The following ZFYVE9 variants were observed in gnomAD, a reference collection of about 807,000 sequenced individuals.
ZFYVE9 encodes the protein zinc finger FYVE domain-containing protein 9.
In ZFYVE9, 43 loss-of-function variants were observed where a neutral mutation model predicts 126.7. That is an observed-to-expected ratio of 0.34 (90% CI 0.27 to 0.44). ZFYVE9 has a LOEUF of 0.44. Ranked by LOEUF, ZFYVE9 falls within the 20% of genes least tolerant of loss-of-function variation. The pLI is 1.00. For missense variants in ZFYVE9, 1,476 were observed against 1,697.0 expected (o/e 0.87, Z 2.29); for synonymous variants, 521 against 597.4 (o/e 0.87, Z 1.87).
At chr1:52,255,962 TCTTTTCTTTCTTTC>T (rs1645510064) in intron 4 of ZFYVE9, among the ~76,000 whole-genome samples, 1 of 90,774 alleles carries the variant, frequency 1.1e-5, no homozygotes, top group African/African-American at 7.8e-5. Flanking sequence ...TCTTTTCTTT[TCTTTTCTTTCTTTC>T]TTTCTTTCCT....
chr1:52,255,981 T>TTCCTTCC lies in ZFYVE9; in HGVS notation c.2179-7791_2179-7790insCCTTCCT, dbSNP rs1645512686. On this transcript the variant is annotated intron_variant, in intron 4 of 18. Coordinates refer to ENST00000287727, the MANE Select transcript of ZFYVE9 (RefSeq NM_004799.4). ...TTCTTTTCTTTTCTTTCTTTCTTTC[T>TTCCTTCC]TTCCTTCCTTCCTTCCTTCCTTCCT... is the stretch of plus-strand genomic sequence containing the variant. Among the ~76,000 whole-genome samples, 113 of 115,670 alleles carry TTCCTTCC rather than the reference T, an allele frequency of 9.8e-4. 1 individual carries two copies. The highest frequency in any genetic ancestry group is 4.1e-3 in the African/African-American group (111 of 27,274). The allele number at this position is 115,670 out of a possible 152,430, so 75.9% of individuals were successfully genotyped here. A position where few individuals can be genotyped will look rare whatever the true frequency, so the allele number is the denominator to read the frequency against.
chr1:52,172,055 T>G (rs1026675094), intron 1 of ZFYVE9, among the ~76,000 whole-genome samples: 49 of 152,122 alleles, frequency 3.2e-4, no homozygotes, highest in African/African-American at 1.2e-3. Context: ...TTTTGGTGTT[T>G]TAGACATGAA....
intron 4 of ZFYVE9, chr1:52,253,931 A>G: frequency 2.1e-6 from 2 of 955,362 alleles, no homozygotes; most frequent in South Asian, 1.3e-5. Flanking sequence ...AATTTTCACA[A>G]CCTTCAAGAA....
Position 52,337,673 on chromosome 1 carries a change from G to A in ZFYVE9, c.3671-99G>A, listed in dbSNP as rs867431784. ...AAAACCTCTGTATCAGTCAGCTTTG[G>A]AAAGCAGAGCTAAGGTTTACATTTA... is the stretch of plus-strand genomic sequence containing the variant. On this transcript the variant is annotated intron_variant, in intron 15 of 18. Coordinates refer to ENST00000287727, the MANE Select transcript of ZFYVE9 (RefSeq NM_004799.4). 17 of 1,387,446 alleles carry A rather than the reference G, an allele frequency of 1.2e-5. No homozygotes were observed. The Middle Eastern group carries it at 7.4e-4, about 61-fold the overall frequency. 85.9% of individuals were successfully genotyped at this position (1,387,446 alleles called of 1,614,324 possible).
intron 2 of ZFYVE9, among the ~76,000 whole-genome samples, chr1:52,221,985 G>T (rs999730266): frequency 1.3e-5 from 2 of 152,092 alleles, no homozygotes; most frequent in African/African-American, 4.8e-5. Context: ...TTTGTTTCAG[G>T]TAAAGGCAAA....
At chr1:52,225,956 CT>C (rs1437809642) in intron 2 of ZFYVE9, among the ~76,000 whole-genome samples, 1 of 152,078 alleles carries the variant, frequency 6.6e-6, no homozygotes, top group African/African-American at 2.4e-5. Context: ...ACAGCTCTCT[CT>C]ATTGAGAGAG....
intron 10 of ZFYVE9, 55 bp from the exon 11 acceptor site, chr1:52,293,398 A>AAAT: frequency 4.2e-6 from 5 of 1,200,002 alleles, no homozygotes; most frequent in Non-Finnish European, 5.7e-6. Context: ...AAAAAAAAAA[A>AAAT]GAAATATGAT....
At chr1:52,284,117 T>C (rs1448515032) in intron 10 of ZFYVE9, among the ~76,000 whole-genome samples, 1 of 152,206 alleles carries the variant, frequency 6.6e-6, no homozygotes, top group Non-Finnish European at 1.5e-5. Flanking sequence ...TTCACCATCT[T>C]GATGAATAAC....
chr1:52,316,263 A>C (rs1273597052), intron 13 of ZFYVE9, among the ~76,000 whole-genome samples: 1 of 150,994 alleles, frequency 6.6e-6, no homozygotes, highest in African/African-American at 2.4e-5. Context: ...AGGCGGGTGC[A>C]TCACCTGAGG....
chr1:52,148,909 G>C (rs1215502334), intron 1 of ZFYVE9, among the ~76,000 whole-genome samples: 3 of 147,114 alleles, frequency 2.0e-5, no homozygotes, highest in Non-Finnish European at 4.5e-5. Flanking sequence ...AAAGTGCTGG[G>C]ATTACAGGAA....
chr1:52,253,945 C>T (rs970128095), intron 4 of ZFYVE9: 24 of 905,402 alleles, frequency 2.7e-5, no homozygotes, highest in East Asian at 4.8e-5. Context: ...TCAAGAAATT[C>T]GGCAACTTGA....
intron 4 of ZFYVE9, among the ~76,000 whole-genome samples, chr1:52,240,653 G>A (rs751893478): frequency 1.3e-5 from 2 of 152,062 alleles, no homozygotes; most frequent in African/African-American, 2.4e-5. Flanking sequence ...AAGTTCTCTC[G>A]GTCTTCCCCT....
chr1:52,295,528 T>G (rs977622348), intron 11 of ZFYVE9, among the ~76,000 whole-genome samples: 10 of 151,936 alleles, frequency 6.6e-5, no homozygotes, highest in Admixed American at 2.0e-4. Flanking sequence ...CAGCTAATTT[T>G]TTTGTTTGTT....
chr1:52,333,460 G>A (rs1345784255), intron 14 of ZFYVE9, among the ~76,000 whole-genome samples: 2 of 152,040 alleles, frequency 1.3e-5, no homozygotes, highest in Non-Finnish European at 2.9e-5. Context: ...GGAGGTTTCA[G>A]TGCTATTCAG....
At chr1:52,325,215 C>G (rs1406148064) in intron 13 of ZFYVE9, among the ~76,000 whole-genome samples, 3 of 152,034 alleles carry the variant, frequency 2.0e-5, no homozygotes, top group Admixed American at 6.6e-5. Flanking sequence ...GGAGGCAGAG[C>G]TTGCAGTGAG....
At chr1:52,209,437 T>A (rs1187709632) in intron 1 of ZFYVE9, among the ~76,000 whole-genome samples, 2 of 152,176 alleles carry the variant, frequency 1.3e-5, no homozygotes, top group Non-Finnish European at 2.9e-5. Flanking sequence ...TCACCATTTA[T>A]AATTCCAGAA....
chr1:52,155,219 G>GTTTTTCTTT (rs1278189201), intron 1 of ZFYVE9, among the ~76,000 whole-genome samples: 1 of 146,646 alleles, frequency 6.8e-6, no homozygotes, highest in Non-Finnish European at 1.5e-5. Flanking sequence ...ACCAGGAGCT[G>GTTTTTCTTT]TTTTTCTTTT....
At chr1:52,203,928 T>C (rs965896575) in intron 1 of ZFYVE9, among the ~76,000 whole-genome samples, 2 of 152,142 alleles carry the variant, frequency 1.3e-5, no homozygotes, top group Non-Finnish European at 2.9e-5. Context: ...CTTAGAATTT[T>C]TCTATACTTT....
intron 1 of ZFYVE9, among the ~76,000 whole-genome samples, chr1:52,148,830 C>T (rs901824768): frequency 1.1e-4 from 17 of 150,940 alleles, no homozygotes; most frequent in African/African-American, 2.7e-4. Flanking sequence ...TTAGTAGCGA[C>T]GGGATTTCAC....
Sources: gnomAD v4.1 joint callset for allele counts (sites outside exome capture counted in the v4.1 genomes callset) on GRCh38, gnomAD v4.1.1 for gene constraint, MANE v1.5 for transcripts, NCBI Gene and HGNC (gene_info 2026-07-23, HGNC 2026-07-21) for gene names.